The following ACACB variants were observed in gnomAD, a reference collection of about 807,000 sequenced individuals.
The protein encoded by ACACB is acetyl-CoA carboxylase 2.
ACACB carries 209 observed loss-of-function variants against 278.8 expected under a neutral mutation model. The observed-to-expected ratio is 0.75, with a 90% CI of 0.67 to 0.84. The LOEUF (loss-of-function observed/expected upper bound fraction) is 0.84, where lower values mean the gene tolerates loss of function less well. Ranked by LOEUF, ACACB falls within the 40% of genes least tolerant of loss-of-function variation. The pLI is 0.00. For missense variants in ACACB, 2,850 were observed against 3,269.0 expected (o/e 0.87, Z 3.13); for synonymous variants, 1,174 against 1,285.6 (o/e 0.91, Z 1.86).
intron 12 of ACACB, among the ~76,000 whole-genome samples, chr12:109,186,453 C>T (rs1245890338): frequency 2.0e-5 from 3 of 152,148 alleles, no homozygotes; most frequent in Non-Finnish European, 4.4e-5. Flanking sequence ...AGGTTTAGAA[C>T]CCTAGTCCTT....
At chr12:109,235,144 A>C (rs889582526) in intron 31 of ACACB, among the ~76,000 whole-genome samples, 169 bp from the exon 32 acceptor site, 4 of 152,156 alleles carry the variant, frequency 2.6e-5, no homozygotes, top group Non-Finnish European at 4.4e-5. Context: ...AGATTTGCCT[A>C]TTCTGGACGT....
chr12:109,254,015 A>G (rs1423445438), intron 43 of ACACB, among the ~76,000 whole-genome samples, 199 bp from the exon 44 acceptor site: 1 of 152,178 alleles, frequency 6.6e-6, no homozygotes, highest in East Asian at 1.9e-4. Flanking sequence ...AGGAGTTCAT[A>G]AACTAGATTT....
chr12:109,233,206 GATAAC>G (rs757763034), intron 29 of ACACB, among the ~76,000 whole-genome samples: 3 of 151,800 alleles, frequency 2.0e-5, no homozygotes, highest in Non-Finnish European at 4.4e-5. Flanking sequence ...AATTAAATGA[GATAAC>G]ATATGTGAAA....
At chr12:109,245,509 A>G in intron 37 of ACACB, 117 bp from the exon 38 acceptor site, 1 of 1,087,532 alleles carries the variant, frequency 9.2e-7, no homozygotes, top group Non-Finnish European at 1.3e-6. Flanking sequence ...TGATTCAAAA[A>G]GAGAGAGTGA....
chr12:109,186,723 T>C (rs987118847), intron 12 of ACACB, among the ~76,000 whole-genome samples: 1 of 151,894 alleles, frequency 6.6e-6, no homozygotes, highest in South Asian at 2.1e-4. Flanking sequence ...TAAGCTAGGG[T>C]AGCTGTATTC....
chr12:109,251,938 C>A, intron 41 of ACACB, 108 bp from the exon 42 acceptor site: 1 of 789,150 alleles, frequency 1.3e-6, no homozygotes, highest in South Asian at 2.4e-5. Context: ...TGCCATTGGT[C>A]AAAACATAAC....
chr12:109,235,818 T>G lies in ACACB; in HGVS notation c.4446+171T>G, dbSNP rs2046617700. On this transcript the variant is annotated intron_variant, in intron 33 of 52. Coordinates refer to ENST00000338432, the MANE Select transcript of ACACB (RefSeq NM_001093.4). Reference sequence around the variant, plus strand: ...TTCTAGACCAGCCTGGGTTATATAGTGAGACCCTGTCTCTACAAAAAAATT... The same window carrying G: ...TTCTAGACCAGCCTGGGTTATATAGGGAGACCCTGTCTCTACAAAAAAATT... 3.4e-6 allele frequency: 2 copies of G among 580,950 alleles called. 1 individual carries two copies. The highest frequency in any genetic ancestry group is 4.6e-5 in the South Asian group (2 of 43,384). The allele number at this position is 580,950 out of a possible 1,614,324, so 36.0% of individuals were successfully genotyped here. A position where few individuals can be genotyped will look rare whatever the true frequency, so the allele number is the denominator to read the frequency against.
chr12:109,218,652 A>ATT (rs578075666), intron 24 of ACACB, among the ~76,000 whole-genome samples: 22 of 128,248 alleles, frequency 1.7e-4, no homozygotes, highest in African/African-American at 3.4e-4. Flanking sequence ...GGGTTTGGCA[A>ATT]TTTTTTTTTT....
At chr12:109,167,621 G>GTGTGTATATATATATA (rs1555210640) in intron 3 of ACACB, among the ~76,000 whole-genome samples, 5 of 77,524 alleles carry the variant, frequency 6.4e-5, no homozygotes, top group Admixed American at 4.4e-4. Context: ...ATATGTATGT[G>GTGTGTATATATATATA]TATATATATA....
intron 16 of ACACB, among the ~76,000 whole-genome samples, chr12:109,195,741 C>T (rs758991283): frequency 2.0e-5 from 3 of 151,516 alleles, no homozygotes; most frequent in South Asian, 2.1e-4. Context: ...TTTTTTAACA[C>T]GAGTCTAAAC....
At chr12:109,132,074 G>A (rs1182245430) in intron 1 of ACACB, among the ~76,000 whole-genome samples, 1 of 152,168 alleles carries the variant, frequency 6.6e-6, no homozygotes, top group Non-Finnish European at 1.5e-5. Context: ...AGTGGAAAAG[G>A]TATGAGCAAG....
At chr12:109,194,841 A>G (rs80323267) in intron 16 of ACACB, among the ~76,000 whole-genome samples, 2,629 of 152,172 alleles carry the variant, frequency 0.017, 109 homozygotes, top group East Asian at 0.16. Context: ...TTCAACCCCT[A>G]TAGAATGTGA....
chr12:109,258,881 C>T (rs754721014), intron 46 of ACACB, 92 bp from the exon 47 acceptor site: 13 of 1,515,748 alleles, frequency 8.6e-6, no homozygotes, highest in Admixed American at 5.4e-5. Flanking sequence ...GATCAGATCG[C>T]CTGCCATCCA....
intron 52 of ACACB, 102 bp downstream of exon 52, chr12:109,265,627 C>A: frequency 7.0e-7 from 1 of 1,426,288 alleles, no homozygotes; most frequent in South Asian, 1.3e-5. Context: ...AACCCGCCAC[C>A]CTGTGCAGTC....
upstream of ACACB, among the ~76,000 whole-genome samples, chr12:109,112,213 C>T (rs993421730): frequency 2.7e-5 from 4 of 147,680 alleles, no homozygotes; most frequent in East Asian, 3.9e-4. Flanking sequence ...GTTCAATATA[C>T]GTATATTGAA....
At chr12:109,210,161 GTATA>G (rs1235291761) in intron 21 of ACACB, among the ~76,000 whole-genome samples, 4 of 45,260 alleles carry the variant, frequency 8.8e-5, no homozygotes, top group African/African-American at 3.9e-4. Context: ...ACACACGTGT[GTATA>G]TGTATATATG....
At chr12:109,262,315 C>T in intron 48 of ACACB, 42 bp from the exon 49 acceptor site, 2 of 1,520,610 alleles carry the variant, frequency 1.3e-6, no homozygotes, top group South Asian at 2.3e-5. Flanking sequence ...GCTTGCTGGG[C>T]AATGCCTCAT....
intron 21 of ACACB, among the ~76,000 whole-genome samples, chr12:109,210,239 A>ACACACACATGTG (rs2045737626): frequency 1.4e-5 from 1 of 70,038 alleles, no homozygotes; most frequent in Non-Finnish European, 2.7e-5. Flanking sequence ...ATATGTATAT[A>ACACACACATGTG]TGTATATATA....
chr12:109,150,185 G>C (rs998707833), intron 2 of ACACB, among the ~76,000 whole-genome samples: 1 of 152,202 alleles, frequency 6.6e-6, no homozygotes, highest in Non-Finnish European at 1.5e-5. Flanking sequence ...CCTGTTACCT[G>C]TCTGAGCTGC....
Sources: gnomAD v4.1 joint callset for allele counts (sites outside exome capture counted in the v4.1 genomes callset) on GRCh38, gnomAD v4.1.1 for gene constraint, MANE v1.5 for transcripts, NCBI Gene and HGNC (gene_info 2026-07-23, HGNC 2026-07-21) for gene names.